Variants in STARD3 observed in about 807,000 individuals in gnomAD.
STARD3 encodes the protein stAR-related lipid transfer protein 3.
STARD3 carries 39 observed loss-of-function variants against 62.0 expected under a neutral mutation model. The ratio of observed to expected loss-of-function variants is 0.63; its 90% confidence interval spans 0.49 to 0.82. The LOEUF (loss-of-function observed/expected upper bound fraction) is 0.82, where lower values mean the gene tolerates loss of function less well. Ranked by LOEUF, STARD3 falls within the 40% of genes least tolerant of loss-of-function variation. The probability of loss-of-function intolerance (pLI) is 0.00; values close to 1 mark genes in which losing one functional copy is unlikely to be tolerated. For synonymous variants in STARD3, 229 were observed against 242.4 expected, an observed-to-expected ratio of 0.94 and a Z score of 0.51; for missense variants, 543 against 584.5, an observed-to-expected ratio of 0.93 and a Z score of 0.73.
chr17:39,660,849 G>A lies in STARD3; in HGVS notation c.994G>A (p.Asp332Asn). ...GGAAGACAACACCCTCATCTCCTAT[G>A]ACGTGTCTGCAGGGGCTGCGGGCGG... ...RVEDNTLISYDVSAGAAGGVV... is the reference protein window; with the variant it reads ...RVEDNTLISYNVSAGAAGGVV... Residue 332 changes from aspartate to asparagine, a missense_variant, in exon 12 of 15, where the codon GAC becomes AAC. Coordinates refer to ENST00000336308, the MANE Select transcript of STARD3 (RefSeq NM_006804.4). The surrounding 1 kb of genome is among the most constrained non-coding windows in gnomAD (Gnocchi z 4.8). The A allele has an allele frequency of 6.3e-7, 1 of 1,599,836 alleles. No individual in the cohort carries two copies. Among genetic ancestry groups the A allele is most frequent in the Non-Finnish European group, 8.5e-7 (1 of 1,171,360 alleles).
chr17:39,645,517 G>A (rs911120044), intron 1 of STARD3, among the ~76,000 whole-genome samples: 4 of 152,006 alleles, frequency 2.6e-5, no homozygotes, highest in African/African-American at 7.3e-5. Flanking sequence ...TCACCCGGGC[G>A]GGGGTGCAAT....
intron 1 of STARD3, among the ~76,000 whole-genome samples, chr17:39,643,961 G>C (rs2057002689): frequency 6.6e-6 from 1 of 152,244 alleles, no homozygotes; most frequent in African/African-American, 2.4e-5. Flanking sequence ...TAAGTGACCA[G>C]CAAGGTGGAA....
At chr17:39,661,535 A>G (rs2145049604) in intron 13 of STARD3, among the ~76,000 whole-genome samples, 1 of 152,146 alleles carries the variant, frequency 6.6e-6, no homozygotes, top group Middle Eastern at 3.4e-3. Flanking sequence ...AGTTCCCCCA[A>G]AGATAAAGGG....
At chr17:39,650,047 TAAA>T (rs925449312) in intron 1 of STARD3, among the ~76,000 whole-genome samples, 1 of 151,004 alleles carries the variant, frequency 6.6e-6, no homozygotes, top group African/African-American at 2.4e-5. Flanking sequence ...CCCCATCTCT[TAAA>T]AAAAAAGATA....
At chr17:39,656,921 C>A in intron 2 of STARD3, 87 bp from the exon 3 acceptor site, 1 of 1,356,288 alleles carries the variant, frequency 7.4e-7, no homozygotes, top group South Asian at 1.2e-5. Context: ...TTCCTCCATC[C>A]CCTACCTCTT....
At chr17:39,650,382 C>T (rs1373294764) in intron 1 of STARD3, among the ~76,000 whole-genome samples, 2 of 152,318 alleles carry the variant, frequency 1.3e-5, no homozygotes, top group East Asian at 1.9e-4. Flanking sequence ...AGAGGGAGCA[C>T]GGCCCTCCCA....
At chr17:39,637,450 G>C (rs1187058131) in intron 1 of STARD3, 2 of 152,308 alleles carry the variant, frequency 1.3e-5, no homozygotes, top group Non-Finnish European at 2.9e-5. Context: ...CTATCCTGGG[G>C]AGCCCGGGGA....
intron 1 of STARD3, among the ~76,000 whole-genome samples, chr17:39,651,001 G>A (rs902558344): frequency 6.6e-5 from 10 of 152,186 alleles, no homozygotes; most frequent in African/African-American, 2.4e-4. Flanking sequence ...CACTGAGCAT[G>A]CAGTCTGGCA....
chr17:39,650,574 A>C (rs1383906537), intron 1 of STARD3, among the ~76,000 whole-genome samples: 2 of 152,210 alleles, frequency 1.3e-5, no homozygotes, highest in Non-Finnish European at 2.9e-5. Flanking sequence ...GGGGGAAGCC[A>C]AAACAGGAGG....
At chr17:39,638,425 C>G (rs1266862338) in intron 1 of STARD3, among the ~76,000 whole-genome samples, 1 of 152,228 alleles carries the variant, frequency 6.6e-6, no homozygotes, top group African/African-American at 2.4e-5. Context: ...TGTGTGCACC[C>G]TAAGGTCCAA....
chr17:39,660,010 C>G lies in STARD3; in HGVS notation c.796-201C>G, dbSNP rs947552060. The G allele has an allele frequency of 1.5e-5, 9 of 598,894 alleles. No homozygotes were observed. The highest frequency in any genetic ancestry group is 1.5e-4 in the African/African-American group (8 of 53,842). 37.1% of individuals were successfully genotyped at this position (598,894 alleles called of 1,614,324 possible). A position where few individuals can be genotyped will look rare whatever the true frequency, so the allele number is the denominator to read the frequency against. ...GCAGCTGTCCCCCCGTCTTTTAACT[C>G]GACATCAAAAGCCTCTCTCCTGCCA... On this transcript the variant is annotated intron_variant, in intron 9 of 14. Coordinates refer to ENST00000336308, the MANE Select transcript of STARD3 (RefSeq NM_006804.4). The surrounding 1 kb of genome is among the most constrained non-coding windows in gnomAD (Gnocchi z 4.8).
At chr17:39,640,323 A>T (rs2056972133) in intron 1 of STARD3, among the ~76,000 whole-genome samples, 3 of 151,966 alleles carry the variant, frequency 2.0e-5, no homozygotes, top group Admixed American at 2.0e-4. Flanking sequence ...CTGTCTCCTG[A>T]CTCCAGGTCT....
chr17:39,662,548 C>T, intron 14 of STARD3: 1 of 639,514 alleles, frequency 1.6e-6, no homozygotes, highest in South Asian at 1.9e-5. Context: ...CCCCTTCTTA[C>T]CTCTGAGTCC....
At position 39,663,178 on chromosome 17, in the gene STARD3, C is replaced by A; in HGVS notation, c.*270C>A. 1 of 443,210 alleles carries A rather than the reference C, an allele frequency of 2.3e-6. No individual in the cohort carries two copies. The highest frequency in any genetic ancestry group is 5.5e-5 in the South Asian group (1 of 18,094). The allele number at this position is 443,210 out of a possible 1,614,324, so 27.5% of individuals were successfully genotyped here. A position where few individuals can be genotyped will look rare whatever the true frequency, so the allele number is the denominator to read the frequency against. Reference sequence around the variant, plus strand: ...CCTGGAGGACCAGATTGCTCTGCCCCACCTTGCCAGGGCAGGGTCTGGGCT... The same window carrying A: ...CCTGGAGGACCAGATTGCTCTGCCCAACCTTGCCAGGGCAGGGTCTGGGCT... On this transcript the variant is annotated 3_prime_UTR_variant, in exon 15 of 15. Transcript: ENST00000336308.
In STARD3 at chr17:39,660,316, G is replaced by A. The variant is rs199905643; in HGVS notation, c.858+43G>A. 1,062 of 1,613,074 alleles carry A rather than the reference G, an allele frequency of 6.6e-4. 1 individual carries two copies. Among genetic ancestry groups the A allele is most frequent in the Non-Finnish European group, 8.7e-4 (1,022 of 1,179,336 alleles). The stretch of plus-strand genomic sequence containing the variant: ...GTGTCCTGGAGCCCCAGACAGCACA[G>A]GAGGCTCCAGGAAGGTGCCGAGGGG... On this transcript the variant is annotated intron_variant, in intron 10 of 14. Coordinates refer to ENST00000336308, the MANE Select transcript of STARD3 (RefSeq NM_006804.4). This position sits in a 1 kb window ranked among gnomAD's most constrained non-coding sequence, Gnocchi z 4.8.
intron 1 of STARD3, among the ~76,000 whole-genome samples, chr17:39,648,424 G>C (rs193166051): frequency 3.3e-5 from 5 of 152,176 alleles, no homozygotes; most frequent in African/African-American, 9.7e-5. Flanking sequence ...CCATGTTCAC[G>C]CCTCTGGACT....
rs2057233672 is a variant in STARD3, at chr17:39,664,167, GGTT to G, written c.*1263_*1265del. ...TATGAAAATGGGACTGATGTCACAG[GGTT>G]GTTATGAGATTAAAAGATATGAAGA... is the stretch of plus-strand genomic sequence containing the variant. On this transcript the variant is annotated 3_prime_UTR_variant, in exon 15 of 15. Coordinates refer to ENST00000336308, the MANE Select transcript of STARD3 (RefSeq NM_006804.4). 1 of 152,364 alleles carries G rather than the reference GGTT, an allele frequency of 6.6e-6. No homozygotes were observed. Among genetic ancestry groups the G allele is most frequent in the African/African-American group, 2.4e-5 (1 of 41,444 alleles). 9.4% of individuals were successfully genotyped at this position (152,364 alleles called of 1,614,324 possible). A position where few individuals can be genotyped will look rare whatever the true frequency, so the allele number is the denominator to read the frequency against.
intron 1 of STARD3, among the ~76,000 whole-genome samples, chr17:39,647,654 A>G (rs147644511): frequency 1.2e-3 from 181 of 152,254 alleles, no homozygotes; most frequent in African/African-American, 4.3e-3. Flanking sequence ...AGGCCTTTCA[A>G]AGTCATCTGA....
chr17:39,659,896 CAG>C (rs1435160297), intron 9 of STARD3: 1 of 525,322 alleles, frequency 1.9e-6, no homozygotes, highest in Non-Finnish European at 3.4e-6. Context: ...GCTTGGAAAA[CAG>C]AGAGCAACAT....
Sources: gnomAD v4.1 joint callset for allele counts (sites outside exome capture counted in the v4.1 genomes callset) on GRCh38, gnomAD v4.1.1 for gene constraint, Gnocchi (gnomAD v3.1) non-coding constraint, MANE v1.5 for transcripts, NCBI Gene and HGNC (gene_info 2026-07-23, HGNC 2026-07-21) for gene names.